NXPH1: variants seen among roughly 807,000 people sequenced by gnomAD.
NXPH1 encodes neurexophilin 1.
In NXPH1, 5 loss-of-function variants were observed where a neutral mutation model predicts 23.7. That is an observed-to-expected ratio of 0.21 (90% CI 0.11 to 0.44). NXPH1 has a LOEUF of 0.44. NXPH1 is among the 20% of genes least tolerant of loss of function. The probability of loss-of-function intolerance (pLI) is 0.99; values close to 1 mark genes in which losing one functional copy is unlikely to be tolerated. For synonymous variants in NXPH1, 144 were observed against 122.2 expected (o/e 1.18, Z -1.18); for missense variants, 324 against 321.6 (o/e 1.01, Z -0.06).
At chr7:8,624,905 T>A (rs542459995) in intron 2 of NXPH1, among the ~76,000 whole-genome samples, 1 of 152,216 alleles carries the variant, frequency 6.6e-6, no homozygotes, top group East Asian at 1.9e-4. Flanking sequence ...TCATGACTCT[T>A]AACTCTATAA....
At chr7:8,558,411 A>G (rs1352273926) in intron 2 of NXPH1, among the ~76,000 whole-genome samples, 1 of 151,652 alleles carries the variant, frequency 6.6e-6, no homozygotes, top group Non-Finnish European at 1.5e-5. Flanking sequence ...GGAGCTTGGG[A>G]GAGAATATTA....
chr7:8,630,958 G>A (rs532175355), intron 2 of NXPH1, among the ~76,000 whole-genome samples: 1 of 152,190 alleles, frequency 6.6e-6, no homozygotes, highest in East Asian at 1.9e-4. Flanking sequence ...CTCAGTATGT[G>A]TTGTTCCCCT....
At chr7:8,673,874 A>C (rs926801204) in intron 2 of NXPH1, among the ~76,000 whole-genome samples, 9 of 152,138 alleles carry the variant, frequency 5.9e-5, no homozygotes, top group Non-Finnish European at 1.5e-5. Flanking sequence ...TGAGCATTGA[A>C]TATCTTCACA....
chr7:8,464,392 A>G (rs1047965012), intron 2 of NXPH1, among the ~76,000 whole-genome samples: 1 of 152,202 alleles, frequency 6.6e-6, no homozygotes, highest in Admixed American at 6.5e-5. Context: ...TCTGCTGCTC[A>G]TAGGTTAAAG....
At chr7:8,547,951 C>A (rs1209504688) in intron 2 of NXPH1, among the ~76,000 whole-genome samples, 2 of 151,462 alleles carry the variant, frequency 1.3e-5, no homozygotes, top group Admixed American at 6.6e-5. Flanking sequence ...AATGAACATA[C>A]AAGTGCTGGT....
intron 2 of NXPH1, among the ~76,000 whole-genome samples, chr7:8,527,330 G>A (rs926176191): frequency 6.6e-6 from 1 of 152,190 alleles, no homozygotes; most frequent in East Asian, 1.9e-4. Flanking sequence ...CATGCATGAT[G>A]GCTGGACAGT....
In NXPH1 at chr7:8,496,660, T is replaced by C. The variant is rs546095655; in HGVS notation, c.54+60893T>C. ...TAGAAATGCAACTTCTTGGGCCCCA[T>C]CCCAGAACTCAGGGAGAGGGAGCTC... On this transcript the variant is annotated intron_variant, in intron 2 of 2. Transcript: ENST00000405863. Among the ~76,000 whole-genome samples the C allele has an allele frequency of 2.6e-5, 4 of 152,130 alleles. No homozygotes were observed. The East Asian group carries it at 7.8e-4, about 30-fold the overall frequency.
chr7:8,575,481 T>C (rs187717146), intron 2 of NXPH1, among the ~76,000 whole-genome samples: 1 of 152,286 alleles, frequency 6.6e-6, no homozygotes, highest in Non-Finnish European at 1.5e-5. Flanking sequence ...ATAGAAAGCA[T>C]AGAAATTCTT....
intron 2 of NXPH1, among the ~76,000 whole-genome samples, chr7:8,560,519 G>A (rs1156894036): frequency 1.3e-5 from 2 of 151,674 alleles, no homozygotes; most frequent in Non-Finnish European, 3.0e-5. Context: ...CCCTCCAATG[G>A]TAGGTTGTTG....
At chr7:8,613,372 A>C (rs913899378) in intron 2 of NXPH1, among the ~76,000 whole-genome samples, 1 of 152,002 alleles carries the variant, frequency 6.6e-6, no homozygotes, top group African/African-American at 2.4e-5. Context: ...CTCAATTTGC[A>C]AACATCTGGA....
chr7:8,616,281 CCAAA>C (rs763282359), intron 2 of NXPH1, among the ~76,000 whole-genome samples: 2 of 127,502 alleles, frequency 1.6e-5, no homozygotes, highest in Middle Eastern at 3.6e-3. Context: ...TGTTCTCTGC[CCAAA>C]CACTTTCCCC....
chr7:8,616,353 A>G (rs1182676895), intron 2 of NXPH1, among the ~76,000 whole-genome samples: 1 of 151,674 alleles, frequency 6.6e-6, no homozygotes, highest in African/African-American at 2.4e-5. Flanking sequence ...GAAAATAGCA[A>G]CTCTGTCTCT....
chr7:8,558,266 T>G (rs1584231066), intron 2 of NXPH1, among the ~76,000 whole-genome samples: 1 of 151,680 alleles, frequency 6.6e-6, no homozygotes, highest in Admixed American at 6.6e-5. Context: ...TTTATTTTAT[T>G]TTTTGGCAAA....
At chr7:8,693,567 T>C (rs1370014564) in intron 2 of NXPH1, among the ~76,000 whole-genome samples, 1 of 152,226 alleles carries the variant, frequency 6.6e-6, no homozygotes, top group Non-Finnish European at 1.5e-5. Context: ...AGGACTAATA[T>C]CTATGTCACA....
At chr7:8,658,551 C>G (rs28414944) in intron 2 of NXPH1, among the ~76,000 whole-genome samples, 13,261 of 152,184 alleles carry the variant, frequency 0.087, 1,070 homozygotes, top group East Asian at 0.25. Context: ...TACAGAATAA[C>G]TGTGACCACA....
intron 2 of NXPH1, among the ~76,000 whole-genome samples, chr7:8,519,658 C>A (rs1260180443): frequency 6.6e-6 from 1 of 152,182 alleles, no homozygotes; most frequent in South Asian, 2.1e-4. Flanking sequence ...GCCTTCTTCT[C>A]TCTCTCCCTC....
At chr7:8,721,797 G>A (rs986792538) in intron 2 of NXPH1, among the ~76,000 whole-genome samples, 1 of 152,172 alleles carries the variant, frequency 6.6e-6, no homozygotes, top group Non-Finnish European at 1.5e-5. Context: ...TTTCTTGATT[G>A]TTTAAACGAT....
intron 2 of NXPH1, among the ~76,000 whole-genome samples, chr7:8,575,432 T>C (rs930502856): frequency 1.3e-5 from 2 of 152,192 alleles, no homozygotes; most frequent in Non-Finnish European, 1.5e-5. Context: ...ACTGTCCTAA[T>C]AGAAATTTGG....
chr7:8,444,622 A>G (rs1472427742), intron 2 of NXPH1, among the ~76,000 whole-genome samples: 1 of 152,222 alleles, frequency 6.6e-6, no homozygotes, highest in Non-Finnish European at 1.5e-5. Context: ...GTGTCTTCGC[A>G]GTTACCTGCA....
Sources: allele counts gnomAD v4.1 joint callset (sites outside exome capture counted in the v4.1 genomes callset), GRCh38; gene constraint gnomAD v4.1.1; transcripts MANE v1.5; gene names NCBI Gene and HGNC (gene_info 2026-07-23, HGNC 2026-07-21).